Variants in ABCA13 observed in about 807,000 individuals in gnomAD.
ABCA13 encodes ATP-binding cassette sub-family A member 13.
Under a neutral mutation model 478.7 loss-of-function variants are expected in ABCA13, and 476 were observed. That is an observed-to-expected ratio of 0.99 (90% CI 0.92 to 1.07). The LOEUF (loss-of-function observed/expected upper bound fraction) is 1.07. Ranked by LOEUF, ABCA13 falls within the 50% of genes least tolerant of loss-of-function variation. The pLI is 0.00. For missense variants in ABCA13, 6,060 were observed against 5,910.6 expected, an observed-to-expected ratio of 1.03 and a Z score of -0.83; for synonymous variants, 2,252 against 2,158.9, an observed-to-expected ratio of 1.04 and a Z score of -1.20.
At chr7:48,236,941 T>C (rs968898482) in intron 8 of ABCA13, among the ~76,000 whole-genome samples, 2 of 150,984 alleles carry the variant, frequency 1.3e-5, no homozygotes, top group African/African-American at 4.9e-5. Context: ...GTTTAATTAA[T>C]GCAGAGCTAG....
At chr7:48,240,734 G>GT in intron 9 of ABCA13, 133 bp from the exon 10 acceptor site, 1 of 674,800 alleles carries the variant, frequency 1.5e-6, no homozygotes, top group Non-Finnish European at 2.2e-6. Flanking sequence ...ATTGCTAACA[G>GT]ACATTTTAAT....
chr7:48,516,936 G>T, intron 52 of ABCA13, 55 bp downstream of exon 52: 1 of 1,547,890 alleles, frequency 6.5e-7, no homozygotes, highest in African/African-American at 1.4e-5. Flanking sequence ...TGCAAAGACG[G>T]TGTTAACTCA....
At chr7:48,385,853 T>C (rs1243601549) in intron 35 of ABCA13, among the ~76,000 whole-genome samples, 1 of 152,232 alleles carries the variant, frequency 6.6e-6, no homozygotes, top group African/African-American at 2.4e-5. Context: ...ATAGACATTC[T>C]GACTGGTGTG....
At position 48,587,137 on chromosome 7, in the gene ABCA13, A is replaced by T; in HGVS notation, c.14506-17A>T. On this transcript the variant is annotated splice_polypyrimidine_tract_variant and intron_variant, in intron 56 of 61. Transcript: ENST00000435803. ...TTGGTGAATGCTGGTGTGCACATGG[A>T]CATGCCTCTCTTCCAGGTTGCTGGA... The T allele has an allele frequency of 6.2e-7, 1 of 1,612,712 alleles. No individual in the cohort carries two copies. Among genetic ancestry groups the T allele is most frequent in the South Asian group, 1.1e-5 (1 of 90,720 alleles).
intron 37 of ABCA13, 89 bp downstream of exon 37, chr7:48,389,309 C>A: frequency 7.0e-7 from 1 of 1,432,444 alleles, no homozygotes; most frequent in Non-Finnish European, 9.4e-7. Flanking sequence ...GATTTCTTTT[C>A]CTTTTTTTAA....
intron 57 of ABCA13, among the ~76,000 whole-genome samples, chr7:48,588,372 G>T (rs1224907243): frequency 6.6e-6 from 1 of 152,216 alleles, no homozygotes; most frequent in African/African-American, 2.4e-5. Flanking sequence ...ATTACTTTCT[G>T]TGGAATTTCC....
At chr7:48,555,106 C>T (rs1785678632) in intron 55 of ABCA13, among the ~76,000 whole-genome samples, 1 of 151,728 alleles carries the variant, frequency 6.6e-6, no homozygotes, top group East Asian at 1.9e-4. Context: ...GGTGTTTATC[C>T]TTCATTCTGT....
At chr7:48,294,811 T>C (rs1799147227) in intron 20 of ABCA13, among the ~76,000 whole-genome samples, 1 of 152,240 alleles carries the variant, frequency 6.6e-6, no homozygotes, top group Non-Finnish European at 1.5e-5. Context: ...GTAATAGTTT[T>C]CTTTTTGTGG....
intron 58 of ABCA13, among the ~76,000 whole-genome samples, chr7:48,602,926 C>A (rs1791064276): frequency 6.6e-6 from 1 of 151,926 alleles, no homozygotes; most frequent in Non-Finnish European, 1.5e-5. Context: ...TTGTAGTTGT[C>A]CTTGAAGAGG....
intron 58 of ABCA13, among the ~76,000 whole-genome samples, chr7:48,614,523 T>C (rs547915224): frequency 6.0e-5 from 9 of 151,020 alleles, no homozygotes; most frequent in Non-Finnish European, 1.3e-4. Flanking sequence ...GACCCAGCCA[T>C]CCCATTACTG....
At chr7:48,381,368 C>CAT (rs1563157457) in intron 35 of ABCA13, among the ~76,000 whole-genome samples, 2 of 148,186 alleles carry the variant, frequency 1.3e-5, no homozygotes, top group African/African-American at 5.0e-5. Context: ...CACACATACA[C>CAT]ATACACACAC....
At chr7:48,257,899 C>T (rs76911855) in intron 15 of ABCA13, among the ~76,000 whole-genome samples, 3,429 of 152,114 alleles carry the variant, frequency 0.023, 132 homozygotes, top group African/African-American at 0.078. Context: ...CTTCTTTATA[C>T]ATTTGGTAGA....
Position 48,387,874 on chromosome 7 carries a change from G to A in ABCA13, c.11388G>A (p.Trp3796Ter). ...ATTTCCCCTTTACTGCCTCATATTGGAAGAGTGTGGGTTTCTTGGTGGAGA... is the reference window on the plus strand; with the variant it reads ...ATTTCCCCTTTACTGCCTCATATTGAAAGAGTGTGGGTTTCTTGGTGGAGA... The part of the protein sequence containing the change: ...PWYFPFTASY[W>*]KSVGFLVEKR... The change falls in exon 36 of 62, where the codon TGG (tryptophan) becomes TGA (stop). Residue 3796 changes from tryptophan to a stop codon, truncating the protein, a stop_gained. Transcript: ENST00000435803. LOFTEE classifies it high-confidence loss of function. 1 of 1,611,262 alleles carries A rather than the reference G, an allele frequency of 6.2e-7. No homozygotes were observed. Among genetic ancestry groups the A allele is most frequent in the Middle Eastern group, 1.7e-4 (1 of 6,054 alleles).
intron 51 of ABCA13, among the ~76,000 whole-genome samples, chr7:48,511,954 A>G (rs1831722119): frequency 6.6e-6 from 1 of 152,212 alleles, no homozygotes; most frequent in Non-Finnish European, 1.5e-5. Flanking sequence ...GTGCCCTAGA[A>G]TTATTCAAAA....
At chr7:48,563,028 T>C (rs1479622975) in intron 55 of ABCA13, among the ~76,000 whole-genome samples, 5 of 152,108 alleles carry the variant, frequency 3.3e-5, no homozygotes, top group Non-Finnish European at 7.4e-5. Flanking sequence ...TATATATGTC[T>C]TGTGATATTG....
intron 42 of ABCA13, among the ~76,000 whole-genome samples, chr7:48,436,579 T>C (rs1822862990): frequency 1.3e-5 from 2 of 151,820 alleles, no homozygotes; most frequent in South Asian, 4.1e-4. Context: ...GCTTTTTTCT[T>C]CTTTTCTTAT....
intron 5 of ABCA13, among the ~76,000 whole-genome samples, chr7:48,226,649 C>T (rs1344995114): frequency 6.6e-6 from 1 of 152,102 alleles, no homozygotes; most frequent in Admixed American, 6.5e-5. Flanking sequence ...TGTCATGGAG[C>T]ATTGGGGTGT....
intron 3 of ABCA13, 60 bp from the exon 4 acceptor site, chr7:48,219,294 A>T: frequency 6.5e-7 from 1 of 1,529,760 alleles, no homozygotes; most frequent in Non-Finnish European, 8.7e-7. Flanking sequence ...ATCTTAAAAA[A>T]TGCCAAGGAA....
chr7:48,485,724 C>A (rs1467562030), intron 47 of ABCA13, among the ~76,000 whole-genome samples: 2 of 152,154 alleles, frequency 1.3e-5, no homozygotes, highest in Non-Finnish European at 2.9e-5. Context: ...AGTAAACATG[C>A]ATTTCGCTCA....
Sources: allele counts gnomAD v4.1 joint callset (sites outside exome capture counted in the v4.1 genomes callset), GRCh38; gene constraint gnomAD v4.1.1; transcripts MANE v1.5; gene names NCBI Gene and HGNC (gene_info 2026-07-23, HGNC 2026-07-21).